The following ANKRD30BL variants were observed in gnomAD, a reference collection of about 807,000 sequenced individuals.
The protein encoded by ANKRD30BL is putative ankyrin repeat domain-containing protein 30B-like.
A neutral mutation model predicts 18.4 loss-of-function variants in ANKRD30BL; 20 were observed. The observed-to-expected ratio is 1.09, with a 90% CI of 0.77 to 1.58. The LOEUF is 1.58. Ranked by LOEUF, ANKRD30BL falls within the 40% of genes most tolerant of loss-of-function variation. The pLI, the probability that ANKRD30BL is intolerant of heterozygous loss-of-function variation, is 0.00. For synonymous variants in ANKRD30BL, 72 were observed against 100.9 expected, an observed-to-expected ratio of 0.71 and a Z score of 1.72; for missense variants, 224 against 268.6, an observed-to-expected ratio of 0.83 and a Z score of 1.16.
At chr2:132,201,475 G>C (rs1200668592) in intron 1 of ANKRD30BL, among the ~76,000 whole-genome samples, 1 of 152,030 alleles carries the variant, frequency 6.6e-6, no homozygotes, top group Admixed American at 6.6e-5. Flanking sequence ...TCAAAAAGTG[G>C]GCAAAGGACA....
At chr2:132,233,481 A>G (rs1396513126) in intron 1 of ANKRD30BL, among the ~76,000 whole-genome samples, 1 of 140,800 alleles carries the variant, frequency 7.1e-6, no homozygotes, top group Non-Finnish European at 1.5e-5. Flanking sequence ...AAATAAAAGG[A>G]TGGAGGAAGA....
At chr2:132,230,836 A>T (rs1177905427) in intron 1 of ANKRD30BL, among the ~76,000 whole-genome samples, 1 of 152,130 alleles carries the variant, frequency 6.6e-6, no homozygotes, top group African/African-American at 2.4e-5. Context: ...AACTACACAG[A>T]AGCATTCTCA....
chr2:132,171,503 T>C (rs1431001971), intron 1 of ANKRD30BL, among the ~76,000 whole-genome samples: 1 of 152,154 alleles, frequency 6.6e-6, no homozygotes, highest in East Asian at 1.9e-4. Context: ...CATTAATCAG[T>C]TTTAATTCAC....
At chr2:132,169,389 C>T (rs1688238286) in intron 1 of ANKRD30BL, among the ~76,000 whole-genome samples, 2 of 152,124 alleles carry the variant, frequency 1.3e-5, no homozygotes, top group Non-Finnish European at 2.9e-5. Context: ...TGGCCCACGC[C>T]TGTAATCCCA....
intron 1 of ANKRD30BL, among the ~76,000 whole-genome samples, chr2:132,235,547 GACAA>G (rs1382975504): frequency 1.3e-5 from 2 of 151,706 alleles, no homozygotes; most frequent in East Asian, 1.9e-4. Context: ...ACCAACAACA[GACAA>G]ACAGAGAGCC....
At chr2:132,182,773 C>G (rs1688492739) in intron 1 of ANKRD30BL, among the ~76,000 whole-genome samples, 2 of 152,182 alleles carry the variant, frequency 1.3e-5, no homozygotes, top group South Asian at 2.1e-4. Context: ...AGTGTTCACT[C>G]TGAAAAATGA....
chr2:132,224,262 A>G (rs1194541420), intron 1 of ANKRD30BL, among the ~76,000 whole-genome samples: 1 of 151,996 alleles, frequency 6.6e-6, no homozygotes, highest in African/African-American at 2.4e-5. Context: ...CTGCAAGTGG[A>G]CATTTGGAGA....
At chr2:132,254,770 TG>T in intron 1 of ANKRD30BL, among the ~76,000 whole-genome samples, 1 of 152,294 alleles carries the variant, frequency 6.6e-6, no homozygotes, top group Admixed American at 6.5e-5. Flanking sequence ...TCTAAGAAGT[TG>T]GGGGATGCCG....
intron 5 of ANKRD30BL, among the ~76,000 whole-genome samples, chr2:132,149,165 A>G (rs967723845): frequency 2.0e-5 from 3 of 152,240 alleles, no homozygotes; most frequent in African/African-American, 7.2e-5. Context: ...CATATTGTAC[A>G]ATGTATTGTG....
At chr2:132,241,880 T>C (rs1374582748) in intron 1 of ANKRD30BL, among the ~76,000 whole-genome samples, 1 of 151,998 alleles carries the variant, frequency 6.6e-6, no homozygotes, top group Non-Finnish European at 1.5e-5. Flanking sequence ...GACAAAAGCA[T>C]TCTCAGAAAC....
intron 1 of ANKRD30BL, among the ~76,000 whole-genome samples, chr2:132,254,375 G>A (rs16849035): frequency 2.0e-5 from 3 of 152,218 alleles, no homozygotes; most frequent in Middle Eastern, 3.2e-3. Flanking sequence ...TTCACCTACC[G>A]AAACTTTGTT....
At chr2:132,241,602 A>G (rs1427101522) in intron 1 of ANKRD30BL, among the ~76,000 whole-genome samples, 1 of 151,912 alleles carries the variant, frequency 6.6e-6, no homozygotes, top group Admixed American at 6.6e-5. Flanking sequence ...CTTTTGATAC[A>G]GCAGTTTTGA....
At chr2:132,162,068 G>C, upstream of ANKRD30BL, 3 of 199,468 alleles carry the variant, frequency 1.5e-5, no homozygotes, top group Non-Finnish European at 3.1e-5. Context: ...AGGCGCTATC[G>C]GGCTGGCGGG....
intron 1 of ANKRD30BL, among the ~76,000 whole-genome samples, chr2:132,203,155 C>T (rs1052534027): frequency 6.6e-6 from 1 of 152,306 alleles, no homozygotes; most frequent in Admixed American, 6.5e-5. Context: ...AAAATATGTT[C>T]TAGACCAAGG....
chr2:132,159,962 C>T (rs1211866055), intron 1 of ANKRD30BL, among the ~76,000 whole-genome samples: 1 of 152,112 alleles, frequency 6.6e-6, no homozygotes, highest in East Asian at 1.9e-4. Context: ...AGGCATTTCA[C>T]TTATGAAACT....
At chr2:132,162,736 C>T (rs1573808405), upstream of ANKRD30BL, among the ~76,000 whole-genome samples, 4 of 152,374 alleles carry the variant, frequency 2.6e-5, no homozygotes, top group Admixed American at 2.6e-4. Flanking sequence ...CACACGCCCT[C>T]CCACTCTAGG....
chr2:132,235,620 C>G, intron 1 of ANKRD30BL, among the ~76,000 whole-genome samples: 1 of 151,966 alleles, frequency 6.6e-6, no homozygotes, highest in Non-Finnish European at 1.5e-5. Context: ...ACCTAGGAAT[C>G]CAACTTACAA....
intron 1 of ANKRD30BL, among the ~76,000 whole-genome samples, chr2:132,228,112 A>G (rs1440933425): frequency 6.6e-6 from 1 of 152,160 alleles, no homozygotes. Flanking sequence ...ACTAGACAGA[A>G]GCATTCTTAG....
chr2:132,246,777 C>T (rs1055388640), intron 1 of ANKRD30BL, among the ~76,000 whole-genome samples: 2 of 151,674 alleles, frequency 1.3e-5, no homozygotes, highest in Non-Finnish European at 2.9e-5. Context: ...ATTTTGAGCT[C>T]TTTGAGGGCT....
Sources: allele counts gnomAD v4.1 joint callset (sites outside exome capture counted in the v4.1 genomes callset), GRCh38; gene constraint gnomAD v4.1.1; transcripts MANE v1.5; gene names NCBI Gene and HGNC (gene_info 2026-07-23, HGNC 2026-07-21).